Variants in CHN2 observed in about 807,000 individuals in gnomAD.
CHN2 encodes the protein beta-chimaerin.
CHN2 carries 35 observed loss-of-function variants against 56.3 expected under a neutral mutation model. The ratio of observed to expected loss-of-function variants is 0.62; its 90% CI spans 0.47 to 0.82. CHN2 has a LOEUF of 0.82. Ranked by LOEUF, CHN2 falls within the 40% of genes least tolerant of loss-of-function variation. The probability of loss-of-function intolerance (pLI) is 0.00; values close to 1 mark genes in which losing one functional copy is unlikely to be tolerated. For synonymous variants in CHN2, 210 were observed against 212.8 expected (o/e 0.99, Z 0.12); for missense variants, 491 against 580.5 (o/e 0.85, Z 1.58).
At chr7:29,384,222 C>T (rs895204474) in intron 3 of CHN2, among the ~76,000 whole-genome samples, 3 of 152,148 alleles carry the variant, frequency 2.0e-5, no homozygotes, top group African/African-American at 7.2e-5. Flanking sequence ...CATATCAACC[C>T]ATCTGTAACA....
upstream of CHN2, chr7:29,192,887 C>A (rs1783074200): frequency 6.6e-6 from 1 of 152,196 alleles, no homozygotes; most frequent in African/African-American, 2.4e-5. Flanking sequence ...TGGGGGGCTA[C>A]ATAGATTACT....
intron 3 of CHN2, 91 bp downstream of exon 3, chr7:29,368,078 A>C: frequency 1.9e-6 from 2 of 1,058,032 alleles, no homozygotes; most frequent in Admixed American, 2.8e-5. Flanking sequence ...GTTTCCTGGG[A>C]GTTGATTTCT....
At chr7:29,442,594 C>T (rs1783721775) in intron 6 of CHN2, among the ~76,000 whole-genome samples, 1 of 152,158 alleles carries the variant, frequency 6.6e-6, no homozygotes, top group African/African-American at 2.4e-5. Context: ...ACCTCTAATT[C>T]CCAATACCCA....
intron 1 of CHN2, among the ~76,000 whole-genome samples, chr7:29,338,892 A>G (rs1260314109): frequency 2.0e-5 from 3 of 152,252 alleles, no homozygotes; most frequent in South Asian, 2.1e-4. Context: ...GGTTATGAGT[A>G]TTAAATAAGA....
At chr7:29,341,699 T>G (rs1014615553) in intron 1 of CHN2, among the ~76,000 whole-genome samples, 8 of 152,190 alleles carry the variant, frequency 5.3e-5, no homozygotes, top group African/African-American at 1.9e-4. Flanking sequence ...TGTCATGAGT[T>G]TTTTCTAATT....
chr7:29,146,804 C>T (rs1313864541), intron 1 of CHN2: 2 of 1,549,628 alleles, frequency 1.3e-6, no homozygotes, highest in African/African-American at 1.4e-5. Context: ...AAGCTGCTAT[C>T]TTAAAATTTC....
At chr7:29,490,261 C>T (rs992573660) in intron 7 of CHN2, among the ~76,000 whole-genome samples, 1 of 152,260 alleles carries the variant, frequency 6.6e-6, no homozygotes, top group South Asian at 2.1e-4. Flanking sequence ...ATCACTTCCC[C>T]ACCTGCTCAA....
At chr7:29,458,156 A>G (rs1784901072) in intron 6 of CHN2, among the ~76,000 whole-genome samples, 1 of 152,188 alleles carries the variant, frequency 6.6e-6, no homozygotes, top group African/African-American at 2.4e-5. Flanking sequence ...AAACTTTCCC[A>G]ATGGAATGCA....
intron 1 of CHN2, among the ~76,000 whole-genome samples, chr7:29,263,396 C>G (rs913214505): frequency 6.6e-6 from 1 of 152,174 alleles, no homozygotes; most frequent in Non-Finnish European, 1.5e-5. Context: ...ACCTCCCAGC[C>G]GCCTGCCTTG....
In CHN2 at chr7:29,157,040, C is replaced by G. The variant is rs1794473870; in HGVS notation, c.274+10080C>G. Among the ~76,000 whole-genome samples, 2 of 152,180 alleles carry G rather than the reference C, an allele frequency of 1.3e-5. 1 individual carries two copies. Among genetic ancestry groups the G allele is most frequent in the South Asian group, 4.1e-4 (2 of 4,832 alleles). The stretch of plus-strand genomic sequence containing the variant: ...TGATGTCAGCAGGAAGTAATCTCGT[C>G]TGTGGAAAGGAAGCCAGCCTCCTAG... On this transcript the variant is annotated intron_variant, in intron 2 of 6. Transcript: ENST00000439384.
intron 1 of CHN2, among the ~76,000 whole-genome samples, chr7:29,264,707 C>CAG (rs1789971650): frequency 6.6e-6 from 1 of 152,026 alleles, no homozygotes; most frequent in African/African-American, 2.4e-5. Flanking sequence ...CTGGGAAAAC[C>CAG]AGAGACCTTT....
intron 6 of CHN2, among the ~76,000 whole-genome samples, chr7:29,421,015 G>C (rs547304608): frequency 3.1e-4 from 47 of 152,138 alleles, no homozygotes; most frequent in Non-Finnish European, 5.6e-4. Context: ...TGGCCAGGCT[G>C]ATCTTGAGCT....
chr7:29,495,874 C>T (rs1315650335), intron 7 of CHN2, 78 bp from the exon 8 acceptor site: 1 of 1,219,010 alleles, frequency 8.2e-7, no homozygotes, highest in East Asian at 2.4e-5. Flanking sequence ...TCCTGCTGAT[C>T]TTCATTGACA....
At chr7:29,400,497 T>C in intron 5 of CHN2, 46 bp from the exon 6 acceptor site, 1 of 1,581,928 alleles carries the variant, frequency 6.3e-7, no homozygotes, top group Non-Finnish European at 8.7e-7. Flanking sequence ...TTCCACACTG[T>C]GCTTATTTCT....
At chr7:29,192,546 G>C (rs1783026527), upstream of CHN2, 2 of 152,320 alleles carry the variant, frequency 1.3e-5, no homozygotes, top group South Asian at 4.1e-4. Flanking sequence ...CAGTTGATTA[G>C]TTATCTCCAG....
chr7:29,362,686 C>G (rs952717797), intron 2 of CHN2, among the ~76,000 whole-genome samples: 5 of 152,204 alleles, frequency 3.3e-5, no homozygotes, highest in Admixed American at 2.6e-4. Flanking sequence ...ATCTGTAACT[C>G]TCTCTCTTCT....
intron 7 of CHN2, among the ~76,000 whole-genome samples, chr7:29,480,777 C>A (rs1787112113): frequency 1.3e-5 from 2 of 152,172 alleles, no homozygotes; most frequent in South Asian, 4.1e-4. Context: ...TGTGTTTTGT[C>A]TTTTGTTTTC....
At chr7:29,374,801 T>TTTAC (rs1799898954) in intron 3 of CHN2, among the ~76,000 whole-genome samples, 1 of 128,186 alleles carries the variant, frequency 7.8e-6, no homozygotes, top group Non-Finnish European at 1.7e-5. Flanking sequence ...TATTTCTTTA[T>TTTAC]TTCCTTCCTT....
chr7:29,507,454 A>G lies in CHN2; in HGVS notation c.1129+89A>G, dbSNP rs549730714. 17 of 974,964 alleles carry G rather than the reference A, an allele frequency of 1.7e-5. No individual in the cohort carries two copies. In the East Asian group the frequency reaches 4.3e-4, roughly 25 times the overall value. The allele number at this position is 974,964 out of a possible 1,614,324, so 60.4% of individuals were successfully genotyped here. ...AGATAATTAAAACTCAGAACTGTTT[A>G]AATTATTGCATTTGTGCCTGTCTTG... On this transcript the variant is annotated intron_variant, in intron 11 of 12. Coordinates refer to ENST00000222792, the MANE Select transcript of CHN2 (RefSeq NM_004067.4).
Sources: gnomAD v4.1 joint callset for allele counts (sites outside exome capture counted in the v4.1 genomes callset) on GRCh38, gnomAD v4.1.1 for gene constraint, MANE v1.5 for transcripts, NCBI Gene and HGNC (gene_info 2026-07-23, HGNC 2026-07-21) for gene names.